Variants in DENND2C observed in about 807,000 individuals in gnomAD.
DENND2C encodes DENN domain containing 2C.
Under a neutral mutation model 112.4 loss-of-function variants are expected in DENND2C, and 72 were observed. The observed-to-expected ratio is 0.64, with a 90% confidence interval of 0.53 to 0.78. The LOEUF (loss-of-function observed/expected upper bound fraction) is 0.78. Ranked by LOEUF, DENND2C falls within the 30% of genes least tolerant of loss-of-function variation. DENND2C has a pLI of 0.00. For synonymous variants in DENND2C, 329 were observed against 381.6 expected, an observed-to-expected ratio of 0.86 and a Z score of 1.61; for missense variants, 992 against 1,113.8, an observed-to-expected ratio of 0.89 and a Z score of 1.56.
chr1:114,604,409 G>C (rs768777562), intron 11 of DENND2C, among the ~76,000 whole-genome samples: 12 of 152,162 alleles, frequency 7.9e-5, no homozygotes, highest in Non-Finnish European at 1.8e-4. Context: ...CTAGATACCT[G>C]GAAGAAATCC....
At chr1:114,648,309 T>C (rs1289319399) in intron 2 of DENND2C, among the ~76,000 whole-genome samples, 2 of 152,156 alleles carry the variant, frequency 1.3e-5, no homozygotes, top group African/African-American at 2.4e-5. Context: ...GACATAACAA[T>C]AATATAAACT....
intron 12 of DENND2C, 118 bp downstream of exon 12, chr1:114,602,007 T>C (rs1164792208): frequency 2.1e-6 from 2 of 963,470 alleles, no homozygotes; most frequent in African/African-American, 3.2e-5. Flanking sequence ...ACAGCTTCCT[T>C]AATACACAGA....
chr1:114,595,522 T>C (rs1655320550), intron 17 of DENND2C: 2 of 224,544 alleles, frequency 8.9e-6, no homozygotes. Context: ...GCTTAATAAA[T>C]GCTTTTAAAA....
intron 20 of DENND2C, 126 bp downstream of exon 20, chr1:114,587,261 G>T: frequency 1.0e-6 from 1 of 989,258 alleles, no homozygotes; most frequent in Non-Finnish European, 1.6e-6. Context: ...TGCCCACGCT[G>T]GTCTCAAACT....
At chr1:114,602,328 G>A (rs1017757262) in intron 11 of DENND2C, 134 bp from the exon 12 acceptor site, 9 of 787,590 alleles carry the variant, frequency 1.1e-5, no homozygotes, top group African/African-American at 1.7e-5. Context: ...AACCACTTAC[G>A]GCATTCTCCA....
chr1:114,646,375 T>C (rs1656989546), intron 2 of DENND2C, among the ~76,000 whole-genome samples: 1 of 152,246 alleles, frequency 6.6e-6, no homozygotes, highest in South Asian at 2.1e-4. Context: ...TGTGACATTT[T>C]AAGTTTTGCA....
intron 3 of DENND2C, among the ~76,000 whole-genome samples, chr1:114,630,378 G>C (rs148070819): frequency 1.3e-5 from 2 of 151,896 alleles, no homozygotes; most frequent in African/African-American, 4.8e-5. Flanking sequence ...GGCCATGATG[G>C]AGTAGCTGAA....
chr1:114,625,935 T>TA lies in DENND2C; in HGVS notation c.49_50insT (p.His17LeufsTer17). ...AATTTTTTGTTTGATGTTTTTGCAG[T>TA]GGCTTCTTGACAGTGTCTGAACAGT... On this transcript the variant is annotated frameshift_variant, in exon 4 of 21. Coordinates refer to ENST00000393274, the MANE Select transcript of DENND2C (RefSeq NM_001256404.2). LOFTEE classifies it high-confidence loss of function. 1 of 1,614,116 alleles carries TA rather than the reference T, an allele frequency of 6.2e-7. No individual in the cohort carries two copies. Among genetic ancestry groups the TA allele is most frequent in the Non-Finnish European group, 8.5e-7 (1 of 1,180,006 alleles).
chr1:114,661,106 CAAAAAAAAAA>C (rs61417132), intron 1 of DENND2C, among the ~76,000 whole-genome samples: 2 of 102,678 alleles, frequency 1.9e-5, no homozygotes, highest in African/African-American at 7.4e-5. Flanking sequence ...GACTCCGTCT[CAAAAAAAAAA>C]AAAAAAAAAA....
chr1:114,585,861 G>C (rs1277304712), intron 20 of DENND2C, among the ~76,000 whole-genome samples: 1 of 152,156 alleles, frequency 6.6e-6, no homozygotes, highest in African/African-American at 2.4e-5. Flanking sequence ...ATGTAATCCA[G>C]TGGTTTTCAA....
At chr1:114,664,531 G>A (rs1657594903) in intron 1 of DENND2C, among the ~76,000 whole-genome samples, 1 of 151,904 alleles carries the variant, frequency 6.6e-6, no homozygotes. Flanking sequence ...TCAGGCTGGA[G>A]TACAATGGCA....
chr1:114,637,877 A>G (rs1656701265), intron 3 of DENND2C, among the ~76,000 whole-genome samples: 1 of 151,986 alleles, frequency 6.6e-6, no homozygotes, highest in South Asian at 2.1e-4. Flanking sequence ...ATTCAACACA[A>G]TCTCCAGATT....
Position 114,612,607 on chromosome 1 carries a change from C to T in DENND2C, c.1325-1490G>A, listed in dbSNP as rs545821495. Among the ~76,000 whole-genome samples the T allele has an allele frequency of 3.3e-5, 5 of 151,772 alleles. No homozygotes were observed. In the East Asian group the frequency reaches 9.7e-4, roughly 29 times the overall value. Reference sequence around the variant, plus strand: ...CAATCTCGGCTCACTACAACCTCCACCTCCAGGGTTCAAGCAGTTCTCCTG... The same window carrying T: ...CAATCTCGGCTCACTACAACCTCCATCTCCAGGGTTCAAGCAGTTCTCCTG... On this transcript the variant is annotated intron_variant, in intron 8 of 20. Transcript: ENST00000393274.
intron 11 of DENND2C, among the ~76,000 whole-genome samples, chr1:114,604,244 G>A (rs1312781911): frequency 2.6e-5 from 4 of 152,180 alleles, no homozygotes; most frequent in Admixed American, 2.0e-4. Flanking sequence ...TTATCCAGAA[G>A]GTCATTACCA....
intron 7 of DENND2C, 139 bp from the exon 8 acceptor site, chr1:114,618,621 G>A: frequency 2.2e-6 from 1 of 456,318 alleles, no homozygotes; most frequent in Non-Finnish European, 3.8e-6. Context: ...TTGAATTTTG[G>A]ATTTAAAATG....
chr1:114,659,728 CT>C (rs1657438357), intron 1 of DENND2C, among the ~76,000 whole-genome samples: 1 of 151,672 alleles, frequency 6.6e-6, no homozygotes, highest in African/African-American at 2.4e-5. Flanking sequence ...CTTTCCTTTC[CT>C]TTCCTTTTTC....
At chr1:114,636,751 T>C (rs771915858) in intron 3 of DENND2C, among the ~76,000 whole-genome samples, 1 of 126,598 alleles carries the variant, frequency 7.9e-6, no homozygotes, top group Non-Finnish European at 1.8e-5. Flanking sequence ...AGTAAAGCTG[T>C]TTTTTTTTTC....
chr1:114,597,994 C>T (rs1012916012), intron 16 of DENND2C, among the ~76,000 whole-genome samples: 6 of 152,100 alleles, frequency 3.9e-5, no homozygotes, highest in Non-Finnish European at 7.3e-5. Context: ...ATGGTGAAGA[C>T]GTGGAGCAAC....
chr1:114,633,248 C>T (rs909140483), intron 3 of DENND2C, among the ~76,000 whole-genome samples: 1 of 151,692 alleles, frequency 6.6e-6, no homozygotes, highest in Non-Finnish European at 1.5e-5. Flanking sequence ...AGTTCAAAAT[C>T]GGCCTGGCCA....
Sources: allele counts gnomAD v4.1 joint callset (sites outside exome capture counted in the v4.1 genomes callset), GRCh38; gene constraint gnomAD v4.1.1; transcripts MANE v1.5; gene names NCBI Gene and HGNC (gene_info 2026-07-23, HGNC 2026-07-21).